ENOX1: variants seen among roughly 807,000 people sequenced by gnomAD.
ENOX1 encodes candidate growth-related and time keeping constitutive hydroquinone (NADH) oxidase.
In ENOX1, 42 loss-of-function variants were observed where a neutral mutation model predicts 82.5. The ratio of observed to expected loss-of-function variants is 0.51; its 90% CI spans 0.40 to 0.66. The LOEUF is 0.66. ENOX1 is among the 30% of genes least tolerant of loss of function. ENOX1 has a pLI of 0.00. For synonymous variants in ENOX1, 271 were observed against 282.2 expected, an observed-to-expected ratio of 0.96 and a Z score of 0.40; for missense variants, 608 against 811.6, an observed-to-expected ratio of 0.75 and a Z score of 3.05.
intron 5 of ENOX1, among the ~76,000 whole-genome samples, chr13:43,384,383 T>C (rs1458085613): frequency 2.0e-5 from 3 of 152,122 alleles, no homozygotes; most frequent in African/African-American, 7.2e-5. Context: ...GCCTATTAAA[T>C]AACAATAATT....
Position 43,306,461 on chromosome 13 carries a change from C to T in ENOX1, c.1262-7931G>A, listed in dbSNP as rs140491935. On this transcript the variant is annotated intron_variant, in intron 11 of 16. Transcript: ENST00000690772. ...TTTAAAGATTCTTTTTTAGGAAAGTCAGGCTTAGCTAAGCCAAGCTAGACA... is the reference window on the plus strand; with the variant it reads ...TTTAAAGATTCTTTTTTAGGAAAGTTAGGCTTAGCTAAGCCAAGCTAGACA... Among the ~76,000 whole-genome samples the T allele has an allele frequency of 3.3e-4, 51 of 152,246 alleles. No homozygotes were observed. In the East Asian group the frequency reaches 9.5e-3, roughly 28 times the overall value.
chr13:43,511,801 A>G (rs930621092), intron 2 of ENOX1, among the ~76,000 whole-genome samples: 1 of 152,112 alleles, frequency 6.6e-6, no homozygotes, highest in African/African-American at 2.4e-5. Context: ...TGCTGCTTCA[A>G]ACTGTAATAA....
chr13:43,343,113 G>T (rs533288875), intron 9 of ENOX1, among the ~76,000 whole-genome samples: 4 of 152,308 alleles, frequency 2.6e-5, no homozygotes, highest in African/African-American at 9.6e-5. Flanking sequence ...TCATTTCACT[G>T]TTCAGGCATA....
At chr13:43,592,777 G>T (rs1399891696) in intron 2 of ENOX1, among the ~76,000 whole-genome samples, 1 of 152,158 alleles carries the variant, frequency 6.6e-6, no homozygotes, top group African/African-American at 2.4e-5. Flanking sequence ...CTCCTCTGCA[G>T]AGGAAGGCCC....
chr13:43,432,011 C>A (rs956330977), intron 3 of ENOX1, among the ~76,000 whole-genome samples: 1 of 152,158 alleles, frequency 6.6e-6, no homozygotes, highest in African/African-American at 2.4e-5. Flanking sequence ...ACTAGCCCAT[C>A]CTACGCCTGT....
chr13:43,346,223 T>C (rs1242189446), intron 8 of ENOX1, among the ~76,000 whole-genome samples: 1 of 152,166 alleles, frequency 6.6e-6, no homozygotes, highest in Non-Finnish European at 1.5e-5. Context: ...AGGAGGTGTG[T>C]GTCCTGAATG....
chr13:43,273,039 G>T (rs2044783350), intron 12 of ENOX1, among the ~76,000 whole-genome samples: 1 of 152,108 alleles, frequency 6.6e-6, no homozygotes, highest in South Asian at 2.1e-4. Flanking sequence ...CATCACATGT[G>T]CTGGTGCTTT....
chr13:43,402,389 A>AT (rs1207856064), intron 5 of ENOX1, among the ~76,000 whole-genome samples: 1 of 152,182 alleles, frequency 6.6e-6, no homozygotes, highest in African/African-American at 2.4e-5. Flanking sequence ...GGTATTATGC[A>AT]TTTTATGTAA....
At chr13:43,649,912 C>T (rs67556632) in intron 2 of ENOX1, among the ~76,000 whole-genome samples, 9,979 of 152,212 alleles carry the variant, frequency 0.066, 438 homozygotes, top group East Asian at 0.18. Context: ...TCAGTTACTC[C>T]CTCCAGGATT....
intron 3 of ENOX1, among the ~76,000 whole-genome samples, chr13:43,416,360 G>T (rs147154410): frequency 7.2e-4 from 84 of 117,328 alleles, no homozygotes; most frequent in African/African-American, 2.3e-3. Context: ...GGGGCGGCCG[G>T]ACAGAAGCGC....
At chr13:43,357,898 T>C (rs1393377508) in intron 7 of ENOX1, among the ~76,000 whole-genome samples, 1 of 152,174 alleles carries the variant, frequency 6.6e-6, no homozygotes, top group Admixed American at 6.5e-5. Flanking sequence ...CCTTCCTGCC[T>C]TTCCAGTTAA....
At chr13:43,378,644 T>C (rs1474896651) in intron 5 of ENOX1, among the ~76,000 whole-genome samples, 1 of 152,134 alleles carries the variant, frequency 6.6e-6, no homozygotes, top group East Asian at 1.9e-4. Flanking sequence ...TGATCTCTCA[T>C]AACAAAACTT....
chr13:43,414,219 C>G (rs1254455163), intron 3 of ENOX1, among the ~76,000 whole-genome samples: 1 of 152,088 alleles, frequency 6.6e-6, no homozygotes, highest in Non-Finnish European at 1.5e-5. Flanking sequence ...GGGTTCAATT[C>G]TCAACAACAG....
At chr13:43,545,221 G>A (rs1566496342) in intron 2 of ENOX1, 3 of 152,146 alleles carry the variant, frequency 2.0e-5, no homozygotes, top group Non-Finnish European at 2.9e-5. Flanking sequence ...AATAAAACAG[G>A]CCAGTCATGT....
chr13:43,771,484 T>C (rs1951599044), intron 1 of ENOX1, among the ~76,000 whole-genome samples: 1 of 129,284 alleles, frequency 7.7e-6, no homozygotes, highest in Non-Finnish European at 1.6e-5. Context: ...TCTACAATTA[T>C]AACTTAATTA....
chr13:43,443,390 G>C (rs1166951810), intron 3 of ENOX1, among the ~76,000 whole-genome samples: 1 of 152,156 alleles, frequency 6.6e-6, no homozygotes, highest in Non-Finnish European at 1.5e-5. Flanking sequence ...AGAAGACTAT[G>C]ACTTTTAAAT....
intron 12 of ENOX1, among the ~76,000 whole-genome samples, chr13:43,292,936 C>T (rs1384801916): frequency 6.6e-6 from 1 of 151,774 alleles, no homozygotes; most frequent in Non-Finnish European, 1.5e-5. Flanking sequence ...AGCCACTAGC[C>T]CCAACATGGC....
chr13:43,321,771 G>A (rs972019055), intron 11 of ENOX1, among the ~76,000 whole-genome samples: 1 of 152,136 alleles, frequency 6.6e-6, no homozygotes, highest in African/African-American at 2.4e-5. Context: ...CTTTTCCCTT[G>A]CCTGTTTTTA....
intron 3 of ENOX1, among the ~76,000 whole-genome samples, chr13:43,413,893 T>G (rs542860867): frequency 1.3e-5 from 2 of 151,906 alleles, no homozygotes; most frequent in African/African-American, 4.8e-5. Context: ...AAGTGCACTT[T>G]CACCATTTCA....
Sources: allele counts gnomAD v4.1 joint callset (sites outside exome capture counted in the v4.1 genomes callset), GRCh38; gene constraint gnomAD v4.1.1; transcripts MANE v1.5; gene names NCBI Gene and HGNC (gene_info 2026-07-23, HGNC 2026-07-21).